Variants in COL6A5 observed in about 807,000 individuals in gnomAD.
COL6A5 encodes the protein collagen alpha-5(VI) chain.
In COL6A5, 48 loss-of-function variants were observed where a neutral mutation model predicts 65.6. The observed-to-expected ratio is 0.73, with a 90% CI of 0.58 to 0.93. COL6A5 has a LOEUF of 0.93. Ranked by LOEUF, COL6A5 falls within the 40% of genes least tolerant of loss-of-function variation. The pLI, the probability that COL6A5 is intolerant of heterozygous loss-of-function variation, is 0.00. For synonymous variants in COL6A5, 291 were observed against 322.8 expected (o/e 0.90, Z 1.05); for missense variants, 914 against 928.3 (o/e 0.98, Z 0.20).
At chr3:130,449,157 C>G (rs1220021490) in intron 4 of COL6A5, among the ~76,000 whole-genome samples, 1 of 152,102 alleles carries the variant, frequency 6.6e-6, no homozygotes, top group Non-Finnish European at 1.5e-5. Context: ...CTGCTAAATC[C>G]AAATGGGTAT....
intron 8 of COL6A5, among the ~76,000 whole-genome samples, chr3:130,396,798 C>T (rs573996623): frequency 6.6e-6 from 1 of 152,340 alleles, no homozygotes; most frequent in African/African-American, 2.4e-5. Context: ...CCTTTGCAGC[C>T]ATTTGTGTTT....
intron 6 of COL6A5, among the ~76,000 whole-genome samples, chr3:130,389,715 T>A (rs1173230799): frequency 6.6e-6 from 1 of 152,174 alleles, no homozygotes; most frequent in East Asian, 1.9e-4. Flanking sequence ...TTCTGATTAC[T>A]TGGGGTCATC....
chr3:130,367,665 A>G (rs1935392483), intron 1 of COL6A5, among the ~76,000 whole-genome samples: 1 of 152,326 alleles, frequency 6.6e-6, no homozygotes, highest in Non-Finnish European at 1.5e-5. Flanking sequence ...AGTGCTAAGA[A>G]CATTGTTGGC....
At chr3:130,421,009 G>A in intron 25 of COL6A5, 144 bp from the exon 26 acceptor site, 1 of 674,126 alleles carries the variant, frequency 1.5e-6, no homozygotes, top group Non-Finnish European at 2.6e-6. Context: ...GCAACACAAT[G>A]TTCCCAGGGT....
chr3:130,384,812 G>T, exon 5 of COL6A5: 1 of 1,542,126 alleles, frequency 6.5e-7, no homozygotes, highest in South Asian at 1.2e-5. Flanking sequence ...AGGCTGTGTG[G>T]ATACAAAAGA....
chr3:130,470,437 G>A (rs1401115146), intron 6 of COL6A5, among the ~76,000 whole-genome samples: 1 of 151,896 alleles, frequency 6.6e-6, no homozygotes, highest in Admixed American at 6.6e-5. Context: ...TTAGTAGCAA[G>A]TAAAAATGTG....
rs769946874 is a variant in COL6A5 at position 130,469,471 on chromosome 3, T to A, written c.2223T>A (p.His741Gln). Residue 741 changes from histidine (H) to glutamine (Q), a missense_variant, in exon 6 of 8, where the codon CAT (histidine) becomes CAA (glutamine). Physicochemically the swap from His to Gln is conservative, Grantham distance 24. Transcript: ENST00000512836. ...TCAAGTTTGTCAAGCCATTTGTCCA[T>A]TTAATCAGACGTAAGTCATTAATTC... is the stretch of plus-strand genomic sequence containing the variant. 38 of 1,611,204 alleles carry A rather than the reference T, an allele frequency of 2.4e-5. No homozygotes were observed. The South Asian group carries it at 4.1e-4, about 17-fold the overall frequency.
intron 7 of COL6A5, among the ~76,000 whole-genome samples, chr3:130,481,957 A>G (rs1010544998): frequency 6.6e-6 from 1 of 152,122 alleles, no homozygotes; most frequent in Non-Finnish European, 1.5e-5. Flanking sequence ...CCTTTGTCAG[A>G]TGGATAGATT....
At chr3:130,482,545 A>G (rs1240793561) in intron 7 of COL6A5, among the ~76,000 whole-genome samples, 1 of 152,162 alleles carries the variant, frequency 6.6e-6, no homozygotes, top group Non-Finnish European at 1.5e-5. Context: ...TTTGTTTCAT[A>G]TGAAATTTAA....
At chr3:130,379,749 A>C (rs764099312) in exon 4 of COL6A5, 1 of 1,551,368 alleles carries the variant, frequency 6.4e-7, no homozygotes, top group South Asian at 1.2e-5. Flanking sequence ...ATGGCAGCAG[A>C]AGAGCACAAG....
chr3:130,428,007 C>A (rs775443050), upstream of COL6A5, among the ~76,000 whole-genome samples: 10 of 152,064 alleles, frequency 6.6e-5, no homozygotes, highest in Non-Finnish European at 1.0e-4. Flanking sequence ...CCTCATGTTG[C>A]CAGTCTTCTC....
rs147516135 is a variant in COL6A5 at position 130,421,245 on chromosome 3, A to C, written c.5001+42A>C. 4 of 1,547,580 alleles carry C rather than the reference A, an allele frequency of 2.6e-6. No homozygotes were observed. In the African/African-American group the frequency reaches 5.5e-5, roughly 21 times the overall value. On this transcript the variant is annotated intron_variant and NMD_transcript_variant, in intron 26 of 41. Transcript: ENST00000312481. ...ATTATTTTTATTCATTGATGAATCA[A>C]ACTAAATAATACAAGAAGAAATGTT...
intron 1 of COL6A5, among the ~76,000 whole-genome samples, chr3:130,362,305 TA>T: frequency 5.7e-4 from 1 of 1,744 alleles, no homozygotes; most frequent in Non-Finnish European, 2.5e-3. Flanking sequence ...TATATATATA[TA>T]TATATATATA....
exon 8 of COL6A5, chr3:130,484,768 C>A (rs1710331297): frequency 5.0e-6 from 2 of 398,728 alleles, no homozygotes; most frequent in Non-Finnish European, 8.9e-6. Context: ...CACAGATACT[C>A]TATATGACCA....
chr3:130,370,261 A>G (rs1400559679), intron 1 of COL6A5, among the ~76,000 whole-genome samples: 2 of 152,158 alleles, frequency 1.3e-5, no homozygotes, highest in African/African-American at 4.8e-5. Context: ...TTGGCATGGG[A>G]AACTTTGAAT....
chr3:130,380,754 T>C (rs926377621), intron 4 of COL6A5, among the ~76,000 whole-genome samples: 1 of 152,148 alleles, frequency 6.6e-6, no homozygotes, highest in African/African-American at 2.4e-5. Flanking sequence ...GCATAGACAA[T>C]TGGGTAACTT....
chr3:130,455,507 C>T lies in COL6A5; in HGVS notation c.1387C>T (p.Gln463Ter), dbSNP rs201040843. ...TTTGGGAGGTAATGGCTTCATTGGCCAAGAATTAAATTCTGGGAGAGAATC... is the reference window on the plus strand; with the variant it reads ...TTTGGGAGGTAATGGCTTCATTGGCTAAGAATTAAATTCTGGGAGAGAATC... The change falls in exon 5 of 8, where the codon CAA becomes TAA. Residue 463 changes from glutamine (Q) to a stop codon, truncating the protein, a stop_gained. Transcript: ENST00000512836. LOFTEE classifies it high-confidence loss of function. The T allele has an allele frequency of 3.1e-5, 50 of 1,612,472 alleles. No individual in the cohort carries two copies. The highest frequency in any genetic ancestry group is 3.9e-5 in the Non-Finnish European group (46 of 1,179,192).
At chr3:130,432,353 G>T (rs1937854735) in intron 1 of COL6A5, among the ~76,000 whole-genome samples, 1 of 152,074 alleles carries the variant, frequency 6.6e-6, no homozygotes, top group South Asian at 2.1e-4. Flanking sequence ...AGGAGATCGA[G>T]ACCATCCTGG....
chr3:130,379,063 G>T (rs543242331), intron 3 of COL6A5, among the ~76,000 whole-genome samples: 140 of 137,724 alleles, frequency 1.0e-3, no homozygotes, highest in African/African-American at 3.9e-3. Context: ...AGTGAAGGTA[G>T]TGGTGACGAT....
Sources: gnomAD v4.1 joint callset for allele counts (sites outside exome capture counted in the v4.1 genomes callset) on GRCh38, gnomAD v4.1.1 for gene constraint, MANE v1.5 for transcripts, NCBI Gene and HGNC (gene_info 2026-07-23, HGNC 2026-07-21) for gene names.